The following CDKL5 variants were observed in gnomAD, a reference collection of about 807,000 sequenced individuals.
CDKL5 encodes cyclin-dependent kinase-like 5.
CDKL5 carries 8 observed loss-of-function variants against 61.7 expected under a neutral mutation model. The observed-to-expected ratio is 0.13, with a 90% CI of 0.08 to 0.23. The LOEUF (loss-of-function observed/expected upper bound fraction) is 0.23, where lower values mean the gene tolerates loss of function less well. Among genes scored for constraint, CDKL5 ranks in the 10% least tolerant of loss-of-function variants. The pLI is 1.00. For missense variants in CDKL5, 440 were observed against 734.5 expected (o/e 0.60, Z 4.63); for synonymous variants, 275 against 272.3 (o/e 1.01, Z -0.10).
At chrX:18,543,088 G>A (rs950719357) in intron 3 of CDKL5, among the ~76,000 whole-genome samples, 5 of 110,996 alleles carry the variant, frequency 4.5e-5, no homozygotes, top group African/African-American at 1.3e-4. Context: ...CTCGGGATGT[G>A]TATGTGTAAA....
At chrX:18,457,545 C>T (rs1932170909) in intron 1 of CDKL5, 1 of 111,857 alleles carries the variant, frequency 8.9e-6, no homozygotes, top group African/African-American at 3.2e-5. Flanking sequence ...GTACACTTTT[C>T]TTCCCATTTT....
intron 2 of CDKL5, among the ~76,000 whole-genome samples, chrX:18,509,073 A>G (rs1441458121): frequency 9.6e-6 from 1 of 104,076 alleles, no homozygotes; most frequent in Non-Finnish European, 2.0e-5. Flanking sequence ...GCCTGATGAG[A>G]GAGCGAGACT....
Position 18,543,197 on chromosome X carries a change from C to T in CDKL5, c.100-21280C>T, listed in dbSNP as rs187875570. 1.6e-3 allele frequency among the ~76,000 whole-genome samples: 173 copies of T among 110,439 alleles called. 2 individuals carry two copies. Among genetic ancestry groups the T allele is most frequent in the Middle Eastern group, 4.6e-3 (1 of 216 alleles). On this transcript the variant is annotated intron_variant, in intron 3 of 17. Transcript: ENST00000623535. ...TCCATTTTCTTTTTGGCAGTACCCT[C>T]CCTGTTGCCTGGAATAGGGAGGGTA...
At position 18,633,234 on chromosome X, in the gene CDKL5, T is replaced by G; in HGVS notation, c.*4477T>G. The G allele has an allele frequency of 1.3e-6, 1 of 754,478 alleles. No individual in the cohort carries two copies. The highest frequency in any genetic ancestry group is 1.6e-6 in the Non-Finnish European group (1 of 639,354). The allele number at this position is 754,478 out of a possible 1,213,427, so 62.2% of individuals were successfully genotyped here. Reference sequence around the variant, plus strand: ...TACTTTTGTGAACTTTGGAATGTGGTAGGGTACACTGAACCAAGTCAGAAA... The same window carrying G: ...TACTTTTGTGAACTTTGGAATGTGGGAGGGTACACTGAACCAAGTCAGAAA... On this transcript the variant is annotated 3_prime_UTR_variant, in exon 18 of 18. Coordinates refer to ENST00000623535, the MANE Select transcript of CDKL5 (RefSeq NM_001323289.2).
intron 3 of CDKL5, among the ~76,000 whole-genome samples, chrX:18,541,096 G>A (rs1338934107): frequency 1.8e-5 from 2 of 112,207 alleles, no homozygotes; most frequent in Non-Finnish European, 3.8e-5. Context: ...TAGGTAAGGT[G>A]CTGTTTTTTT....
intron 3 of CDKL5, among the ~76,000 whole-genome samples, chrX:18,552,772 T>C (rs1178194434): frequency 1.8e-5 from 2 of 110,640 alleles, no homozygotes; most frequent in Non-Finnish European, 3.8e-5. Flanking sequence ...GGGCAAAGCT[T>C]GCAAGAACAA....
intron 1 of CDKL5, among the ~76,000 whole-genome samples, chrX:18,449,797 CTTTT>C (rs752450258): frequency 2.0e-5 from 2 of 100,293 alleles, no homozygotes. Context: ...TCCCTTAATT[CTTTT>C]TTTTTTTTTT....
chrX:18,521,170 A>G (rs1406424325), intron 3 of CDKL5, among the ~76,000 whole-genome samples: 1 of 112,303 alleles, frequency 8.9e-6, no homozygotes, highest in Non-Finnish European at 1.9e-5. Context: ...TCATTTGTAT[A>G]TCTTCTTTGG....
rs1455721646 is a variant in CDKL5, at chrX:18,638,864, G to T, written c.*10107G>T. 8.9e-6 allele frequency among the ~76,000 whole-genome samples: 1 copy of T among 112,018 alleles called. No homozygotes were observed. Among genetic ancestry groups the T allele is most frequent in the Non-Finnish European group, 1.9e-5 (1 of 53,234 alleles). On this transcript the variant is annotated 3_prime_UTR_variant, in exon 18 of 18. Coordinates refer to ENST00000623535, the MANE Select transcript of CDKL5 (RefSeq NM_001323289.2). ...GAAGAAAGTGAGGTAATAGAATTTG[G>T]AGTCCAGAAATAAACCCTCTCACAT...
intron 11 of CDKL5, among the ~76,000 whole-genome samples, chrX:18,599,354 C>G (rs1324388185): frequency 8.9e-6 from 1 of 112,485 alleles, no homozygotes; most frequent in Non-Finnish European, 1.9e-5. Flanking sequence ...TCCCAAGAGG[C>G]TGATCTTGTC....
chrX:18,558,451 A>G (rs1268255019), intron 3 of CDKL5, among the ~76,000 whole-genome samples: 2 of 111,823 alleles, frequency 1.8e-5, no homozygotes, highest in Non-Finnish European at 3.8e-5. Flanking sequence ...TGGTGGTAGA[A>G]TAAGTAATAA....
At chrX:18,530,404 T>C (rs1276440647) in intron 3 of CDKL5, among the ~76,000 whole-genome samples, 1 of 111,106 alleles carries the variant, frequency 9.0e-6, no homozygotes, top group Non-Finnish European at 1.9e-5. Context: ...AAGTTTCTAC[T>C]GACATATCTT....
intron 21 of CDKL5, among the ~76,000 whole-genome samples, chrX:18,652,050 G>A (rs1000406833): frequency 3.1e-4 from 34 of 110,063 alleles, no homozygotes; most frequent in African/African-American, 1.1e-3. Flanking sequence ...CACCTGTCAC[G>A]CACCCCTCCT....
At chrX:18,568,720 G>A (rs1160008730) in intron 4 of CDKL5, among the ~76,000 whole-genome samples, 1 of 110,160 alleles carries the variant, frequency 9.1e-6, no homozygotes, top group Non-Finnish European at 1.9e-5. Flanking sequence ...GTGTGACAGG[G>A]TCTTGCTTTG....
rs1927439514 is a variant in CDKL5 at position 18,637,865 on chromosome X, A to T, written c.*9108A>T. 1 of 112,284 alleles carries T rather than the reference A, an allele frequency of 8.9e-6. No homozygotes were observed. The highest frequency in any genetic ancestry group is 1.9e-5 in the Non-Finnish European group (1 of 53,295). 9.3% of individuals were successfully genotyped at this position (112,284 alleles called of 1,213,427 possible). A position where few individuals can be genotyped will look rare whatever the true frequency, so the allele number is the denominator to read the frequency against. ...GGCAGTTTCAGGAAATTGAGAAGGAATGTCACTGAATCTTTAATGCCAGTT... is the reference window on the plus strand; with the variant it reads ...GGCAGTTTCAGGAAATTGAGAAGGATTGTCACTGAATCTTTAATGCCAGTT... On this transcript the variant is annotated 3_prime_UTR_variant, in exon 18 of 18. Transcript: ENST00000623535.
At chrX:18,501,374 A>G (rs760969909) in intron 1 of CDKL5, among the ~76,000 whole-genome samples, 11 of 108,744 alleles carry the variant, frequency 1.0e-4, no homozygotes, top group Non-Finnish European at 7.6e-5. Flanking sequence ...GGGTTGTACC[A>G]TGTTGGCCAG....
At chrX:18,510,150 T>C (rs747542307) in intron 2 of CDKL5, among the ~76,000 whole-genome samples, 1 of 109,787 alleles carries the variant, frequency 9.1e-6, no homozygotes, top group East Asian at 2.9e-4. Context: ...TAAGGTTTTT[T>C]TGTTTGTTTG....
intron 4 of CDKL5, among the ~76,000 whole-genome samples, chrX:18,569,685 C>G (rs751659222): frequency 8.9e-6 from 1 of 111,919 alleles, no homozygotes; most frequent in Non-Finnish European, 1.9e-5. Context: ...CCAGCCTTTA[C>G]TTTAGGAAAA....
intron 15 of CDKL5, among the ~76,000 whole-genome samples, chrX:18,613,695 C>T (rs1332284614): frequency 1.8e-5 from 2 of 111,148 alleles, no homozygotes; most frequent in Non-Finnish European, 3.8e-5. Context: ...GGAACTGGCC[C>T]GGTGTTGGAC....
Sources: allele counts gnomAD v4.1 joint callset (sites outside exome capture counted in the v4.1 genomes callset), GRCh38; gene constraint gnomAD v4.1.1; transcripts MANE v1.5; gene names NCBI Gene and HGNC (gene_info 2026-07-23, HGNC 2026-07-21).